The following DGKK variants were observed in gnomAD, a reference collection of about 807,000 sequenced individuals.
The protein encoded by DGKK is diacylglycerol kinase kappa, also known as 142 kDa diacylglycerol kinase.
A neutral mutation model predicts 92.2 loss-of-function variants in DGKK; 35 were observed. The observed-to-expected ratio is 0.38, with a 90% CI of 0.29 to 0.50. DGKK has a LOEUF of 0.50. Among genes scored for constraint, DGKK ranks in the 20% least tolerant of loss-of-function variants. The pLI, the probability that DGKK is intolerant of heterozygous loss-of-function variation, is 0.92. For missense variants in DGKK, 910 were observed against 992.2 expected (o/e 0.92, Z 1.11); for synonymous variants, 368 against 360.6 (o/e 1.02, Z -0.23).
At chrX:50,385,515 C>T (rs1298856306) in intron 15 of DGKK, among the ~76,000 whole-genome samples, 1 of 111,912 alleles carries the variant, frequency 8.9e-6, no homozygotes, top group African/African-American at 3.2e-5. Context: ...ATCCACACTG[C>T]TTGGAAACTA....
intron 1 of DGKK, among the ~76,000 whole-genome samples, chrX:50,450,431 C>T (rs782201888): frequency 6.3e-5 from 7 of 111,854 alleles, no homozygotes; most frequent in Admixed American, 1.9e-4. Context: ...GACCTTGTTC[C>T]GTTGGTGGGC....
Position 50,366,124 on chromosome X carries a change from T to A in DGKK, c.*2816A>T, listed in dbSNP as rs782192933. On this transcript the variant is annotated 3_prime_UTR_variant, in exon 28 of 28. Transcript: ENST00000611977. ...ACATAATTGAGATGGATATTTGGTG[T>A]TTGGTCCCACCACCCAAGCAATTGT... The A allele has an allele frequency of 5.4e-5, 6 of 111,964 alleles. No individual in the cohort carries two copies. Among genetic ancestry groups the A allele is most frequent in the Non-Finnish European group, 1.1e-4 (6 of 53,203 alleles). The allele number at this position is 111,964 out of a possible 1,213,427, so 9.2% of individuals were successfully genotyped here. A position where few individuals can be genotyped will look rare whatever the true frequency, so the allele number is the denominator to read the frequency against.
chrX:50,396,163 A>T (rs1031493805), intron 8 of DGKK, among the ~76,000 whole-genome samples: 3 of 112,256 alleles, frequency 2.7e-5, no homozygotes, highest in Non-Finnish European at 5.6e-5. Flanking sequence ...TTTGTTGATA[A>T]GGAAAAGTCT....
At chrX:50,373,277 C>T (rs1410943810) in intron 25 of DGKK, among the ~76,000 whole-genome samples, 1 of 112,076 alleles carries the variant, frequency 8.9e-6, no homozygotes, top group Non-Finnish European at 1.9e-5. Flanking sequence ...CTCCATCTCA[C>T]CTCTAGGACA....
chrX:50,411,421 A>G (rs1338613100), intron 4 of DGKK, among the ~76,000 whole-genome samples: 3 of 112,603 alleles, frequency 2.7e-5, no homozygotes, highest in African/African-American at 9.7e-5. Context: ...ACATAAATCA[A>G]TAAGTGTGAT....
chrX:50,408,370 C>A (rs1925212729), intron 4 of DGKK, among the ~76,000 whole-genome samples: 1 of 112,158 alleles, frequency 8.9e-6, no homozygotes, highest in Non-Finnish European at 1.9e-5. Context: ...TTTATTCCTT[C>A]CATTTTATCC....
chrX:50,382,603 T>C lies in DGKK; in HGVS notation c.2550A>G (p.Ile850Met), dbSNP rs782402579. ...LDHLHFTPES[I>M]RFKEKCVMNN... ...TCATGACACATTTTTCTTTGAAGCG[T>C]CTGAAATTATTCAAAGAAGAGGACA... The change falls in exon 18 of 28, where the codon ATA becomes ATG. Residue 850 changes from isoleucine (I) to methionine (M), a missense_variant and splice_region_variant. Coordinates refer to ENST00000611977, the MANE Select transcript of DGKK (RefSeq NM_001013742.4). 7.6e-6 allele frequency: 9 copies of C among 1,190,947 alleles called. No homozygotes were observed. In the South Asian group the frequency reaches 1.5e-4, roughly 19 times the overall value.
intron 1 of DGKK, among the ~76,000 whole-genome samples, chrX:50,462,879 T>A (rs1282455693): frequency 1.3e-5 from 1 of 75,210 alleles, no homozygotes; most frequent in African/African-American, 5.1e-5. Flanking sequence ...TTTCCTTTCC[T>A]TGCTTTTTTT....
At chrX:50,425,683 C>A (rs1277140824) in intron 1 of DGKK, among the ~76,000 whole-genome samples, 2 of 111,457 alleles carry the variant, frequency 1.8e-5, no homozygotes, top group African/African-American at 3.3e-5. Flanking sequence ...TTACCTGAGC[C>A]CTCTTCATAG....
chrX:50,422,566 G>A, intron 2 of DGKK, 40 bp from the exon 3 acceptor site: 1 of 979,018 alleles, frequency 1.0e-6, no homozygotes, highest in Admixed American at 2.4e-5. Context: ...GGAACCGTCT[G>A]GTTAATGATG....
Position 50,447,382 on chromosome X carries a change from TA to T in DGKK, c.645+22651del, listed in dbSNP as rs1332797683. ...AATATATATATATTATATATATATA[TA>T]ATATATATATATTATATATATATAT... On this transcript the variant is annotated intron_variant, in intron 1 of 27. Transcript: ENST00000611977. Among the ~76,000 whole-genome samples, 108 of 12,504 alleles carry T rather than the reference TA, an allele frequency of 8.6e-3. 8 individuals are homozygous for T. The highest frequency in any genetic ancestry group is 0.064 in the African/African-American group (101 of 1,579). 10.9% of individuals were successfully genotyped at this position (12,504 alleles called of 115,157 possible). A position where few individuals can be genotyped will look rare whatever the true frequency, so the allele number is the denominator to read the frequency against.
intron 1 of DGKK, among the ~76,000 whole-genome samples, chrX:50,432,984 G>C (rs377190313): frequency 3.6e-5 from 4 of 111,978 alleles, no homozygotes; most frequent in African/African-American, 1.3e-4. Context: ...TTCTGAAAGT[G>C]GTAACCTGGC....
intron 27 of DGKK, 106 bp downstream of exon 27, chrX:50,370,320 A>C (rs1340226403): frequency 1.2e-5 from 12 of 1,015,451 alleles, no homozygotes; most frequent in Non-Finnish European, 1.6e-5. Context: ...CCGCTTCATC[A>C]TCACCATTCC....
chrX:50,436,191 T>C (rs1295515014), intron 1 of DGKK, among the ~76,000 whole-genome samples: 1 of 112,267 alleles, frequency 8.9e-6, no homozygotes, highest in East Asian at 2.8e-4. Flanking sequence ...CAGGAGGCTA[T>C]CAGGGACAAG....
chrX:50,455,503 T>C (rs1447158530), intron 1 of DGKK, among the ~76,000 whole-genome samples: 1 of 112,023 alleles, frequency 8.9e-6, no homozygotes, highest in Non-Finnish European at 1.9e-5. Context: ...ATTTTCATAC[T>C]CCTCCTATTA....
intron 8 of DGKK, among the ~76,000 whole-genome samples, chrX:50,395,567 C>G (rs1055624212): frequency 9.0e-6 from 1 of 111,132 alleles, no homozygotes; most frequent in Non-Finnish European, 1.9e-5. Flanking sequence ...GCAGTGAGAC[C>G]AACCACTGTG....
intron 1 of DGKK, among the ~76,000 whole-genome samples, chrX:50,462,537 T>A (rs1391828928): frequency 9.1e-6 from 1 of 109,424 alleles, no homozygotes; most frequent in Admixed American, 9.7e-5. Context: ...CTCAAATATT[T>A]TTTTTCTCCT....
intron 1 of DGKK, among the ~76,000 whole-genome samples, chrX:50,457,381 G>A (rs1023269062): frequency 3.6e-5 from 4 of 111,040 alleles, no homozygotes; most frequent in Admixed American, 2.9e-4. Flanking sequence ...AAAGTCCTTC[G>A]ACCATCAAAG....
chrX:50,445,815 A>G (rs781895499), intron 1 of DGKK, among the ~76,000 whole-genome samples: 28 of 111,149 alleles, frequency 2.5e-4, no homozygotes, highest in Non-Finnish European at 4.0e-4. Flanking sequence ...TAGTTCTATG[A>G]ATAATGTCAT....
Sources: gnomAD v4.1 joint callset for allele counts (sites outside exome capture counted in the v4.1 genomes callset) on GRCh38, gnomAD v4.1.1 for gene constraint, MANE v1.5 for transcripts, NCBI Gene and HGNC (gene_info 2026-07-23, HGNC 2026-07-21) for gene names.